Variants in EYA3 observed in about 807,000 individuals in gnomAD.
EYA3 encodes EYA transcriptional coactivator and phosphatase 3.
A neutral mutation model predicts 80.0 loss-of-function variants in EYA3; 39 were observed. The ratio of observed to expected loss-of-function variants is 0.49; its 90% CI spans 0.38 to 0.64. The LOEUF (loss-of-function observed/expected upper bound fraction) is 0.64. Among genes scored for constraint, EYA3 ranks in the 30% least tolerant of loss-of-function variants. EYA3 has a pLI of 0.00. For synonymous variants in EYA3, 206 were observed against 232.8 expected (o/e 0.88, Z 1.05); for missense variants, 523 against 676.1 (o/e 0.77, Z 2.51).
At chr1:28,023,844 C>A (rs1222745053) in intron 7 of EYA3, among the ~76,000 whole-genome samples, 2 of 152,082 alleles carry the variant, frequency 1.3e-5, no homozygotes, top group African/African-American at 2.4e-5. Flanking sequence ...AATATACTAA[C>A]GTAAGATGTT....
At chr1:27,977,019 C>T in intron 17 of EYA3, 2 of 985,266 alleles carry the variant, frequency 2.0e-6, no homozygotes, top group Non-Finnish European at 2.4e-6. Flanking sequence ...TGCCCAGCCT[C>T]AATGGATGTA....
chr1:28,027,392 C>T (rs533264634), intron 7 of EYA3, among the ~76,000 whole-genome samples: 1 of 152,254 alleles, frequency 6.6e-6, no homozygotes, highest in African/African-American at 2.4e-5. Flanking sequence ...AAAGACACAG[C>T]AGAAAAGCAG....
chr1:28,024,362 A>G (rs1331360813), intron 7 of EYA3, among the ~76,000 whole-genome samples: 1 of 152,098 alleles, frequency 6.6e-6, no homozygotes, highest in Non-Finnish European at 1.5e-5. Flanking sequence ...ACACTCATTA[A>G]AAGATTGAAT....
intron 1 of EYA3, among the ~76,000 whole-genome samples, chr1:28,076,333 T>G (rs1645198209): frequency 6.6e-6 from 1 of 152,176 alleles, no homozygotes; most frequent in African/African-American, 2.4e-5. Flanking sequence ...CTGTCAGAAC[T>G]TACTGAGAAA....
At chr1:27,989,557 C>G in intron 15 of EYA3, 140 bp downstream of exon 15, 1 of 455,180 alleles carries the variant, frequency 2.2e-6, no homozygotes, top group Non-Finnish European at 4.0e-6. Flanking sequence ...TGCTTCTCAC[C>G]TAACACAAAT....
At chr1:27,991,837 T>C (rs951664199) in intron 14 of EYA3, among the ~76,000 whole-genome samples, 7 of 152,148 alleles carry the variant, frequency 4.6e-5, no homozygotes, top group Non-Finnish European at 1.0e-4. Context: ...TTACATCGCT[T>C]TGTTCAGGAA....
At position 28,066,671 on chromosome 1, in the gene EYA3, A is replaced by C. The variant is rs190806452; in HGVS notation, c.-68-8577T>G. On this transcript the variant is annotated intron_variant, in intron 1 of 17. Coordinates refer to ENST00000373871, the MANE Select transcript of EYA3 (RefSeq NM_001990.4). ...TGGTCAATTCAAAGAAAGCATAAAC[A>C]AGAATTTGACAAATCCAATTATGTA... is the stretch of plus-strand genomic sequence containing the variant. Among the ~76,000 whole-genome samples, 460 of 152,292 alleles carry C rather than the reference A, an allele frequency of 3.0e-3. 2 individuals are homozygous for C. The highest frequency in any genetic ancestry group is 0.01 in the African/African-American group (426 of 41,586).
chr1:28,011,091 A>T lies in EYA3; in HGVS notation c.770-5T>A. On this transcript the variant is annotated splice_region_variant and splice_polypyrimidine_tract_variant and intron_variant, in intron 9 of 17. Coordinates refer to ENST00000373871, the MANE Select transcript of EYA3 (RefSeq NM_001990.4). ...ATGGACTTGTAGAAGGGTCTCCTGGAAAGAAAAAGTGAAACATATGTTGTC... is the reference window on the plus strand; with the variant it reads ...ATGGACTTGTAGAAGGGTCTCCTGGTAAGAAAAAGTGAAACATATGTTGTC... 1 of 1,610,872 alleles carries T rather than the reference A, an allele frequency of 6.2e-7. No homozygotes were observed. Among genetic ancestry groups the T allele is most frequent in the Non-Finnish European group, 8.5e-7 (1 of 1,179,026 alleles).
intron 1 of EYA3, among the ~76,000 whole-genome samples, chr1:28,064,223 T>C (rs1207435029): frequency 6.6e-6 from 1 of 152,134 alleles, no homozygotes; most frequent in African/African-American, 2.4e-5. Context: ...CATTGAGACG[T>C]TGCTTTCAAT....
In EYA3 at chr1:28,009,631, C is replaced by T. The variant is rs1314674347; in HGVS notation, c.909+1316G>A. On this transcript the variant is annotated intron_variant, in intron 10 of 17. Coordinates refer to ENST00000373871, the MANE Select transcript of EYA3 (RefSeq NM_001990.4). The surrounding 1 kb of genome is among the most constrained non-coding windows in gnomAD (Gnocchi z 4.8). ...TGCCACTGCACTCCAGCCTGAGACTCCATCTCAAAACAACAACAACAACAA... is the reference window on the plus strand; with the variant it reads ...TGCCACTGCACTCCAGCCTGAGACTTCATCTCAAAACAACAACAACAACAA... Among the ~76,000 whole-genome samples, 2 of 128,246 alleles carry T rather than the reference C, an allele frequency of 1.6e-5. No individual in the cohort carries two copies. Among genetic ancestry groups the T allele is most frequent in the African/African-American group, 5.5e-5 (2 of 36,248 alleles). 84.1% of individuals were successfully genotyped at this position (128,246 alleles called of 152,430 possible).
chr1:28,027,018 A>G (rs963882126), intron 7 of EYA3, among the ~76,000 whole-genome samples: 6 of 152,212 alleles, frequency 3.9e-5, no homozygotes, highest in African/African-American at 1.2e-4. Flanking sequence ...GAGGTCCCAT[A>G]CTAATCCCTC....
At chr1:28,063,903 G>T (rs984447012) in intron 1 of EYA3, among the ~76,000 whole-genome samples, 1 of 151,782 alleles carries the variant, frequency 6.6e-6, no homozygotes, top group Non-Finnish European at 1.5e-5. Flanking sequence ...TATATAGTTG[G>T]TGTCCAACTT....
intron 2 of EYA3, 115 bp downstream of exon 2, chr1:28,057,878 AG>A (rs989514139): frequency 3.5e-6 from 2 of 577,052 alleles, no homozygotes; most frequent in African/African-American, 1.9e-5. Context: ...AAAGGAAACA[AG>A]GAATCTTTTC....
At chr1:28,082,884 C>T (rs773218061) in intron 1 of EYA3, among the ~76,000 whole-genome samples, 9 of 152,208 alleles carry the variant, frequency 5.9e-5, no homozygotes, top group Admixed American at 4.6e-4. Context: ...AATTTGATCC[C>T]TTATTGCTTT....
intron 4 of EYA3, among the ~76,000 whole-genome samples, chr1:28,041,543 A>G (rs999479746): frequency 6.8e-6 from 1 of 147,976 alleles, no homozygotes; most frequent in Admixed American, 6.8e-5. Context: ...ACAAAGCAAG[A>G]CTCCATCTCA....
chr1:28,017,178 T>C lies in EYA3; in HGVS notation c.561A>G (p.Ala187=). The C allele has an allele frequency of 6.2e-7, 1 of 1,613,986 alleles. No homozygotes were observed. The highest frequency in any genetic ancestry group is 1.3e-5 in the African/African-American group (1 of 75,058). Residue 187 remains alanine (A), a synonymous_variant, in exon 8 of 18, where the codon GCA becomes GCG. Transcript: ENST00000373871. The stretch of plus-strand genomic sequence containing the variant: ...CCTGGTTTGAGATGCTGGCTACTGC[T>C]GCTGCTGGAATATTGGCAATTGTAG... ...TSSTIANIPA[A]AVASISNQDY... is the part of the protein sequence containing the mutation.
intron 1 of EYA3, among the ~76,000 whole-genome samples, chr1:28,087,846 G>T (rs563921937): frequency 6.6e-6 from 1 of 152,338 alleles, no homozygotes; most frequent in South Asian, 2.1e-4. Flanking sequence ...GTAAAGCGAA[G>T]AACTAGGAAC....
intron 1 of EYA3, among the ~76,000 whole-genome samples, chr1:28,076,961 G>A (rs1470186838): frequency 2.0e-5 from 3 of 150,692 alleles, no homozygotes; most frequent in African/African-American, 7.3e-5. Flanking sequence ...GGCTGGTCTC[G>A]AACTTCTGAC....
At chr1:28,059,746 G>T (rs2148902220) in intron 1 of EYA3, among the ~76,000 whole-genome samples, 1 of 144,688 alleles carries the variant, frequency 6.9e-6, no homozygotes, top group East Asian at 2.0e-4. Context: ...TTTGAGATAG[G>T]GTTTCGCTGT....
Sources: gnomAD v4.1 joint callset for allele counts (sites outside exome capture counted in the v4.1 genomes callset) on GRCh38, gnomAD v4.1.1 for gene constraint, Gnocchi (gnomAD v3.1) non-coding constraint, MANE v1.5 for transcripts, NCBI Gene and HGNC (gene_info 2026-07-23, HGNC 2026-07-21) for gene names.